The following DCST2 variants were observed in gnomAD, a reference collection of about 807,000 sequenced individuals.
DCST2 encodes DC-STAMP domain-containing protein 2.
In DCST2, 64 loss-of-function variants were observed where a neutral mutation model predicts 81.8. The ratio of observed to expected loss-of-function variants is 0.78; its 90% CI spans 0.64 to 0.96. The LOEUF (loss-of-function observed/expected upper bound fraction) is 0.96, where lower values mean the gene tolerates loss of function less well. DCST2 is among the 40% of genes least tolerant of loss of function. DCST2 has a pLI of 0.00. For missense variants in DCST2, 945 were observed against 1,001.4 expected, an observed-to-expected ratio of 0.94 and a Z score of 0.76; for synonymous variants, 354 against 402.6, an observed-to-expected ratio of 0.88 and a Z score of 1.44.
chr1:155,030,575 A>T lies in DCST2; in HGVS notation c.876T>A (p.Ser292=). 6.2e-7 allele frequency: 1 copy of T among 1,614,150 alleles called. No homozygotes were observed. The highest frequency in any genetic ancestry group is 1.1e-5 in the South Asian group (1 of 91,086). The change falls in exon 6 of 15, where the codon TCT becomes TCA. Residue 292 remains serine (S), a synonymous_variant. Coordinates refer to ENST00000368424, the MANE Select transcript of DCST2 (RefSeq NM_144622.3). The part of the protein sequence containing the change: ...EFNMTATHHF[S]VDLNASRSLS... ...GGCTCCGAGAGGCATTGAGATCCAC[A>T]GAGAAGTGGTGGGTGGCTGTCATGT...
In DCST2 at chr1:155,029,406, G is replaced by A. The variant is rs753446522; in HGVS notation, c.1178-9C>T. ...GGACAAGAAGATGGAGCCTGAGCAG[G>A]AGTGGGATGGTCAGGAGGATGCTCC... On this transcript the variant is annotated splice_polypyrimidine_tract_variant and intron_variant, in intron 7 of 14. Coordinates refer to ENST00000368424, the MANE Select transcript of DCST2 (RefSeq NM_144622.3). 6.2e-7 allele frequency: 1 copy of A among 1,613,090 alleles called. No individual in the cohort carries two copies. Among genetic ancestry groups the A allele is most frequent in the Non-Finnish European group, 8.5e-7 (1 of 1,179,410 alleles).
At chr1:155,024,402 T>C in intron 11 of DCST2, 70 bp downstream of exon 11, 1 of 1,494,470 alleles carries the variant, frequency 6.7e-7, no homozygotes, top group South Asian at 1.4e-5. Context: ...AGCACAGAAA[T>C]CCATTCCAAC....
chr1:155,019,311 G>A (rs1011576445), intron 14 of DCST2, among the ~76,000 whole-genome samples: 1 of 152,148 alleles, frequency 6.6e-6, no homozygotes, highest in African/African-American at 2.4e-5. Flanking sequence ...CCTCAGGCCT[G>A]CCAGACACCT....
intron 14 of DCST2, among the ~76,000 whole-genome samples, chr1:155,019,640 CTCTTCCCCAGTCA>C (rs1659689568): frequency 6.6e-6 from 1 of 152,240 alleles, no homozygotes; most frequent in Admixed American, 6.5e-5. Context: ...TTAGCCCCTC[CTCTTCCCCAGTCA>C]TCTCAGACAC....
At position 155,030,472 on chromosome 1, in the gene DCST2, C is replaced by T; in HGVS notation, c.979G>A (p.Gly327Ser). The T allele has an allele frequency of 6.2e-7, 1 of 1,613,938 alleles. No homozygotes were observed. Among genetic ancestry groups the T allele is most frequent in the Non-Finnish European group, 8.5e-7 (1 of 1,180,010 alleles). ...ACAAGCAGCAGAGGCGTGGTGAAGC[C>T]CATCAGAGCCAGGGCCTCTCGGACA... is the stretch of plus-strand genomic sequence containing the variant. ...HRVREALALM[G>S]FTTPLLLVLL... Residue 327 changes from glycine to serine, a missense_variant, in exon 6 of 15, where the codon GGC becomes AGC. By Grantham distance (56) the Gly-to-Ser change is moderately conservative. Transcript: ENST00000368424.
intron 10 of DCST2, 105 bp from the exon 11 acceptor site, chr1:155,024,707 G>A (rs1003986697): frequency 7.7e-7 from 1 of 1,295,600 alleles, no homozygotes; most frequent in African/African-American, 1.5e-5. Flanking sequence ...CAACTCCTAT[G>A]AATCCCTCTA....
chr1:155,022,573 TAATA>T (rs1481995876), intron 14 of DCST2, among the ~76,000 whole-genome samples: 2 of 151,806 alleles, frequency 1.3e-5, no homozygotes, highest in African/African-American at 4.8e-5. Context: ...CTCTACAAAA[TAATA>T]ATAATAACAA....
chr1:155,023,421 T>A lies in DCST2; in HGVS notation c.1907A>T (p.Asn636Ile). 1 of 1,605,678 alleles carries A rather than the reference T, an allele frequency of 6.2e-7. No homozygotes were observed. ...YCLTCFRLLDNTCSVCASPLS... is the reference protein window; with the variant it reads ...YCLTCFRLLDITCSVCASPLS... ...GGGAGATGCACACACGGAGCAGGTA[T>A]TGTCCAGGAGGCGGAAGCAAGTGAG... The change falls in exon 13 of 15, where the codon AAT (asparagine) becomes ATT (isoleucine). Residue 636 changes from asparagine to isoleucine, a missense_variant. Transcript: ENST00000368424.
chr1:155,033,393 AGCCCCAGGACCT>A, intron 1 of DCST2, 29 bp downstream of exon 1: 1 of 1,602,922 alleles, frequency 6.2e-7, no homozygotes, highest in Non-Finnish European at 8.5e-7. Context: ...CCCCAGCACC[AGCCCCAGGACCT>A]GCCCCCTAGC....
chr1:155,023,116 C>A lies in DCST2; in HGVS notation c.2105+1G>T, dbSNP rs1399194063. The A allele has an allele frequency of 1.2e-6, 2 of 1,611,374 alleles. No homozygotes were observed. Among genetic ancestry groups the A allele is most frequent in the African/African-American group, 2.7e-5 (2 of 75,044 alleles). ...GGTGCCAACTCCTGCTTCCTGCTCACCTGGACTCGGAAGTGGACTCCATTG... is the reference window on the plus strand; with the variant it reads ...GGTGCCAACTCCTGCTTCCTGCTCAACTGGACTCGGAAGTGGACTCCATTG... On this transcript the variant is annotated splice_donor_variant, in intron 14 of 14. Transcript: ENST00000368424. LOFTEE classifies it high-confidence loss of function.
At chr1:155,023,655 A>ATGGAGAAAATGAGCTACC in intron 12 of DCST2, 177 bp downstream of exon 12, 3 of 1,552,210 alleles carry the variant, frequency 1.9e-6, no homozygotes, top group Middle Eastern at 1.7e-4. Context: ...AAAGGCAAGC[A>ATGGAGAAAATGAGCTACC]TGGAGAAAAT....
chr1:155,019,149 C>T (rs1320253673), intron 14 of DCST2, among the ~76,000 whole-genome samples: 3 of 152,312 alleles, frequency 2.0e-5, no homozygotes, highest in South Asian at 2.1e-4. Context: ...TCTACCGCCC[C>T]ATTCACACTG....
chr1:155,029,626 C>T (rs1660010270), intron 7 of DCST2, among the ~76,000 whole-genome samples: 1 of 152,182 alleles, frequency 6.6e-6, no homozygotes, highest in Middle Eastern at 3.2e-3. Context: ...CCACCTGGCC[C>T]TGTGGCCCAT....
intron 10 of DCST2, 76 bp from the exon 11 acceptor site, chr1:155,024,678 C>A: frequency 1.4e-6 from 2 of 1,407,122 alleles, no homozygotes; most frequent in Middle Eastern, 2.4e-4. Context: ...GCACCCACTA[C>A]CTACCTTTTC....
At chr1:155,027,142 C>T (rs1290884379) in intron 8 of DCST2, among the ~76,000 whole-genome samples, 3 of 150,816 alleles carry the variant, frequency 2.0e-5, no homozygotes, top group Non-Finnish European at 4.4e-5. Context: ...GAGTGATTCT[C>T]CTGCCTCAGC....
chr1:155,033,718 T>C lies in DCST2; in HGVS notation c.-17A>G. ...TTTGGGCATGGCTGCTGAGACCAAATGTCTGCCTGTCTCCAGGAGATGCCC... is the reference window on the plus strand; with the variant it reads ...TTTGGGCATGGCTGCTGAGACCAAACGTCTGCCTGTCTCCAGGAGATGCCC... On this transcript the variant is annotated 5_prime_UTR_variant, in exon 1 of 15. Transcript: ENST00000368424. The C allele has an allele frequency of 6.2e-7, 1 of 1,606,774 alleles. No individual in the cohort carries two copies. The highest frequency in any genetic ancestry group is 8.5e-7 in the Non-Finnish European group (1 of 1,175,314).
intron 13 of DCST2, 25 bp from the exon 14 acceptor site, chr1:155,023,282 G>T: frequency 6.2e-7 from 1 of 1,613,946 alleles, no homozygotes; most frequent in Non-Finnish European, 8.5e-7. Flanking sequence ...CATCTCAGTG[G>T]CCTGCAGACA....
At chr1:155,031,127 A>C (rs780796239) in intron 5 of DCST2, 42 bp downstream of exon 5, 5 of 1,560,584 alleles carry the variant, frequency 3.2e-6, no homozygotes. Flanking sequence ...AGGGAGGGAG[A>C]CCACTAGGGA....
chr1:155,027,346 GAAAC>G (rs1022562040), intron 8 of DCST2, among the ~76,000 whole-genome samples: 8 of 132,968 alleles, frequency 6.0e-5, no homozygotes, highest in African/African-American at 2.0e-4. Flanking sequence ...AAGACCCCCA[GAAAC>G]ATTTATTGGC....
Sources: gnomAD v4.1 joint callset for allele counts (sites outside exome capture counted in the v4.1 genomes callset) on GRCh38, gnomAD v4.1.1 for gene constraint, MANE v1.5 for transcripts, NCBI Gene and HGNC (gene_info 2026-07-23, HGNC 2026-07-21) for gene names.